The following PREX2 variants were observed in gnomAD, a reference collection of about 807,000 sequenced individuals.
The protein encoded by PREX2 is phosphatidylinositol 3,4,5-trisphosphate-dependent Rac exchanger 2 protein.
In PREX2, 107 loss-of-function variants were observed where a neutral mutation model predicts 203.2. That is an observed-to-expected ratio of 0.53 (90% CI 0.45 to 0.62). The LOEUF (loss-of-function observed/expected upper bound fraction) is 0.62. Among genes scored for constraint, PREX2 ranks in the 20% least tolerant of loss-of-function variants. The pLI is 0.00. For synonymous variants in PREX2, 672 were observed against 663.6 expected (o/e 1.01, Z -0.19); for missense variants, 1,777 against 1,955.9 (o/e 0.91, Z 1.72).
chr8:67,957,214 C>A (rs927440867), intron 1 of PREX2, among the ~76,000 whole-genome samples: 3 of 152,008 alleles, frequency 2.0e-5, no homozygotes, highest in African/African-American at 7.2e-5. Flanking sequence ...CTTTGTTTTC[C>A]TTTTGTTAGT....
chr8:67,961,142 C>T (rs561007178), intron 1 of PREX2, among the ~76,000 whole-genome samples: 1 of 151,822 alleles, frequency 6.6e-6, no homozygotes, highest in South Asian at 2.1e-4. Context: ...TTGTTTTAAA[C>T]AGCATTTTCT....
At chr8:68,096,186 C>T (rs560041078) in intron 21 of PREX2, among the ~76,000 whole-genome samples, 7 of 152,250 alleles carry the variant, frequency 4.6e-5, no homozygotes, top group South Asian at 2.1e-4. Context: ...AATAAATCAA[C>T]GTTGGTGCCA....
At chr8:68,212,259 C>T (rs1371405124) in intron 37 of PREX2, among the ~76,000 whole-genome samples, 1 of 152,200 alleles carries the variant, frequency 6.6e-6, no homozygotes, top group African/African-American at 2.4e-5. Context: ...TTACACCCTT[C>T]GCTAGTACCA....
At chr8:68,109,055 G>T in intron 24 of PREX2, 1 of 445,762 alleles carries the variant, frequency 2.2e-6, no homozygotes, top group Non-Finnish European at 4.4e-6. Context: ...GTGGTTGGGT[G>T]GGGGATTGAG....
intron 20 of PREX2, 115 bp downstream of exon 20, chr8:68,090,830 A>G: frequency 1.4e-6 from 1 of 699,498 alleles, no homozygotes; most frequent in South Asian, 2.6e-5. Context: ...GTTTAAAATT[A>G]AACACAGCAT....
chr8:68,127,279 A>G (rs1174286057), intron 30 of PREX2, 99 bp from the exon 31 acceptor site: 6 of 895,028 alleles, frequency 6.7e-6, no homozygotes, highest in Non-Finnish European at 1.0e-5. Context: ...GCATGAACCT[A>G]GTCCAATAAG....
In PREX2 at chr8:68,097,038, C is replaced by T; in HGVS notation, c.2390C>T (p.Thr797Ile). Residue 797 changes from threonine to isoleucine, a missense_variant, in exon 22 of 40, where the codon ACT becomes ATT. Transcript: ENST00000288368. ...CCAGAGGTTATTGACAAATTCAACA[C>T]TATGGCCATCATTGATGGGAAGAAG... Reference protein sequence around the residue: ...KVEEVIDKFNTMAIIDGKKEH... With the variant: ...KVEEVIDKFNIMAIIDGKKEH... 6.2e-7 allele frequency: 1 copy of T among 1,613,692 alleles called. No individual in the cohort carries two copies. Among genetic ancestry groups the T allele is most frequent in the Non-Finnish European group, 8.5e-7 (1 of 1,179,722 alleles).
Position 68,027,216 on chromosome 8 carries a change from C to T in PREX2, c.442-6C>T. The T allele has an allele frequency of 6.2e-7, 1 of 1,600,712 alleles. No individual in the cohort carries two copies. Among genetic ancestry groups the T allele is most frequent in the Non-Finnish European group, 8.6e-7 (1 of 1,168,396 alleles). ...ATGTAATTAATTTTGATTATTTTCA[C>T]CCCAGAACTGCATGCTGCTTGGAGG... is the stretch of plus-strand genomic sequence containing the variant. On this transcript the variant is annotated splice_region_variant and splice_polypyrimidine_tract_variant and intron_variant, in intron 4 of 39. Coordinates refer to ENST00000288368, the MANE Select transcript of PREX2 (RefSeq NM_024870.4).
intron 1 of PREX2, among the ~76,000 whole-genome samples, chr8:67,988,025 C>A: frequency 6.6e-6 from 1 of 152,160 alleles, no homozygotes; most frequent in East Asian, 1.9e-4. Flanking sequence ...GTGAATAACC[C>A]GTTTCATTTT....
intron 37 of PREX2, among the ~76,000 whole-genome samples, chr8:68,216,976 A>C (rs1003413900): frequency 2.2e-4 from 34 of 151,822 alleles, no homozygotes; most frequent in African/African-American, 7.7e-4. Context: ...AACAAAAAAA[A>C]AAAAAAAAAT....
rs180764562 is a variant in PREX2 at position 68,011,426 on chromosome 8, T to C, written c.142-6420T>C. ...CAAAAAAAATGAGTAAAATGGGCTTTGTATTTAAAAAAAAACAACATTACT... is the reference window on the plus strand; with the variant it reads ...CAAAAAAAATGAGTAAAATGGGCTTCGTATTTAAAAAAAAACAACATTACT... On this transcript the variant is annotated intron_variant, in intron 1 of 39. Transcript: ENST00000288368. Among the ~76,000 whole-genome samples, 136 of 116,090 alleles carry C rather than the reference T, an allele frequency of 1.2e-3. 1 individual carries two copies. The highest frequency in any genetic ancestry group is 7.4e-3 in the African/African-American group (124 of 16,674). The allele number at this position is 116,090 out of a possible 152,430, so 76.2% of individuals were successfully genotyped here.
At chr8:68,093,338 C>G (rs1043615066) in intron 20 of PREX2, among the ~76,000 whole-genome samples, 1 of 139,058 alleles carries the variant, frequency 7.2e-6, no homozygotes, top group Non-Finnish European at 1.5e-5. Flanking sequence ...TTTGGTGAGT[C>G]GAGACTGCAC....
chr8:68,115,801 A>C lies in PREX2; in HGVS notation c.3195A>C (p.Ser1065=). ...TYSPKLERKT[S]EGIIPTDSDN... is the part of the protein sequence containing the mutation. ...CTCCTAAATTAGAACGTAAGACATC[A>C]GAGGGCATAATACCAACAGACAGTG... Residue 1065 remains serine, a synonymous_variant, in exon 26 of 40, where the codon TCA becomes TCC. Transcript: ENST00000288368. 1 of 1,613,500 alleles carries C rather than the reference A, an allele frequency of 6.2e-7. No individual in the cohort carries two copies. Among genetic ancestry groups the C allele is most frequent in the East Asian group, 2.2e-5 (1 of 44,848 alleles).
At chr8:68,087,971 A>G (rs1200489618) in intron 19 of PREX2, among the ~76,000 whole-genome samples, 162 bp downstream of exon 19, 1 of 152,038 alleles carries the variant, frequency 6.6e-6, no homozygotes, top group Non-Finnish European at 1.5e-5. Context: ...ACATTAAAAA[A>G]ACGAAAAAAT....
intron 25 of PREX2, among the ~76,000 whole-genome samples, chr8:68,115,017 CTTTCTTTTT>C (rs1199864610): frequency 8.4e-6 from 1 of 119,676 alleles, no homozygotes; most frequent in African/African-American, 3.3e-5. Context: ...CTTTTCTTTT[CTTTCTTTTT>C]TTTTTTTTTT....
intron 1 of PREX2, among the ~76,000 whole-genome samples, chr8:67,978,250 T>C (rs1032310471): frequency 2.0e-5 from 3 of 152,122 alleles, no homozygotes; most frequent in African/African-American, 7.2e-5. Flanking sequence ...TTCTGTGTTG[T>C]GAGAGTATCA....
chr8:68,207,310 T>G (rs1392985048), intron 37 of PREX2, among the ~76,000 whole-genome samples: 1 of 152,222 alleles, frequency 6.6e-6, no homozygotes, highest in Non-Finnish European at 1.5e-5. Flanking sequence ...TTTTTGCTAA[T>G]ATTTGTTATC....
chr8:68,197,706 T>C (rs988490931), intron 37 of PREX2, among the ~76,000 whole-genome samples: 1 of 148,508 alleles, frequency 6.7e-6, no homozygotes, highest in Non-Finnish European at 1.5e-5. Flanking sequence ...ATATATACAA[T>C]ATATATATAA....
chr8:68,174,083 A>G (rs767684940), intron 35 of PREX2, among the ~76,000 whole-genome samples: 4 of 152,182 alleles, frequency 2.6e-5, no homozygotes, highest in Non-Finnish European at 5.9e-5. Flanking sequence ...AAGCTCCTTC[A>G]GTGATTTTTT....
Sources: gnomAD v4.1 joint callset for allele counts (sites outside exome capture counted in the v4.1 genomes callset) on GRCh38, gnomAD v4.1.1 for gene constraint, MANE v1.5 for transcripts, NCBI Gene and HGNC (gene_info 2026-07-23, HGNC 2026-07-21) for gene names.